Variants in MALRD1 observed in about 807,000 individuals in gnomAD.
MALRD1 encodes MAM and LDL receptor class A domain containing 1, also known as MAM and LDL-receptor class A domain-containing protein 1.
Under a neutral mutation model 242.1 loss-of-function variants are expected in MALRD1, and 247 were observed. The ratio of observed to expected loss-of-function variants is 1.02; its 90% CI spans 0.92 to 1.13. The LOEUF (loss-of-function observed/expected upper bound fraction) is 1.13. MALRD1 is among the 50% of genes most tolerant of loss of function. The probability of loss-of-function intolerance (pLI) is 0.00; values close to 1 mark genes in which losing one functional copy is unlikely to be tolerated. For missense variants in MALRD1, 2,989 were observed against 2,533.1 expected (o/e 1.18, Z -3.86); for synonymous variants, 995 against 866.6 (o/e 1.15, Z -2.60).
chr10:19,654,698 C>G (rs577836817), intron 36 of MALRD1, among the ~76,000 whole-genome samples: 52 of 152,258 alleles, frequency 3.4e-4, no homozygotes, highest in African/African-American at 1.2e-3. Context: ...AAAGAAACTA[C>G]CTTTGTTGTT....
At position 19,530,366 on chromosome 10, in the gene MALRD1, AATATTTATATAAATATTAT is replaced by A. The variant is rs1162705957; in HGVS notation, c.5321-796_5321-778del. Among the ~76,000 whole-genome samples, 104 of 106,922 alleles carry A rather than the reference AATATTTATATAAATATTAT, an allele frequency of 9.7e-4. 1 individual carries two copies. The highest frequency in any genetic ancestry group is 6.3e-3 in the South Asian group (24 of 3,826). The allele number at this position is 106,922 out of a possible 152,430, so 70.1% of individuals were successfully genotyped here. A position where few individuals can be genotyped will look rare whatever the true frequency, so the allele number is the denominator to read the frequency against. On this transcript the variant is annotated intron_variant, in intron 31 of 39. Transcript: ENST00000454679. ...TATATAAATATATAATATTTATATAAATATTTATATAAATATTATATATTTATATAAATATTATATATTT... is the reference window on the plus strand; with the variant it reads ...TATATAAATATATAATATTTATATAAATATTTATATAAATATTATATATTT...
At chr10:19,069,674 G>C (rs1005544336) in intron 2 of MALRD1, among the ~76,000 whole-genome samples, 4 of 150,108 alleles carry the variant, frequency 2.7e-5, no homozygotes, top group Admixed American at 2.7e-4. Context: ...TTTTTTCATG[G>C]TCTTTTTTTT....
chr10:19,304,054 G>A (rs532173687), intron 21 of MALRD1, among the ~76,000 whole-genome samples: 1 of 151,742 alleles, frequency 6.6e-6, no homozygotes, highest in South Asian at 2.1e-4. Flanking sequence ...GTATGTGAGG[G>A]TGTTTCTGGA....
intron 24 of MALRD1, among the ~76,000 whole-genome samples, chr10:19,345,504 T>G (rs1388436466): frequency 6.6e-6 from 1 of 152,170 alleles, no homozygotes; most frequent in African/African-American, 2.4e-5. Context: ...AAAGGATACT[T>G]AGAACTTCAG....
chr10:19,057,855 G>T (rs534485595), intron 1 of MALRD1, among the ~76,000 whole-genome samples: 1 of 152,138 alleles, frequency 6.6e-6, no homozygotes, highest in Non-Finnish European at 1.5e-5. Context: ...TCATTATTAG[G>T]TATGATAGTG....
chr10:19,389,493 G>A lies in MALRD1; in HGVS notation c.4729G>A (p.Gly1577Ser), dbSNP rs1257091954. 3.2e-6 allele frequency: 5 copies of A among 1,550,372 alleles called. No homozygotes were observed. Among genetic ancestry groups the A allele is most frequent in the East Asian group, 4.9e-5 (2 of 40,912 alleles). ...YLEATAVGLR[G>S]DKAHFRSTMW... The stretch of plus-strand genomic sequence containing the variant: ...GGAAGCTACTGCAGTGGGCCTTCGG[G>A]GTGACAAAGCACACTTCAGGAGTAC... Residue 1577 changes from glycine to serine, a missense_variant, in exon 28 of 40, where the codon GGT becomes AGT. Transcript: ENST00000454679.
chr10:19,487,890 G>A (rs1837305417), intron 29 of MALRD1, among the ~76,000 whole-genome samples: 1 of 152,028 alleles, frequency 6.6e-6, no homozygotes, highest in Non-Finnish European at 1.5e-5. Flanking sequence ...TATCATACAG[G>A]TTTTAGCTAT....
intron 19 of MALRD1, among the ~76,000 whole-genome samples, chr10:19,278,032 A>T (rs924481117): frequency 6.6e-6 from 1 of 152,036 alleles, no homozygotes; most frequent in East Asian, 1.9e-4. Flanking sequence ...ATATCTTGTT[A>T]TTTCTCCATA....
intron 28 of MALRD1, among the ~76,000 whole-genome samples, chr10:19,440,398 G>T (rs1227916946): frequency 6.6e-6 from 1 of 151,812 alleles, no homozygotes; most frequent in Non-Finnish European, 1.5e-5. Flanking sequence ...ACAACATACA[G>T]GTGTGTTACA....
chr10:19,385,834 C>T (rs2130801515), intron 26 of MALRD1, among the ~76,000 whole-genome samples: 1 of 152,006 alleles, frequency 6.6e-6, no homozygotes, highest in Non-Finnish European at 1.5e-5. Flanking sequence ...TATTTAAGAT[C>T]TTTCTTTTTT....
chr10:19,557,633 G>C (rs546484547), intron 32 of MALRD1, among the ~76,000 whole-genome samples: 1 of 151,992 alleles, frequency 6.6e-6, no homozygotes, highest in Non-Finnish European at 1.5e-5. Flanking sequence ...CATTATCAGT[G>C]TGTCTATTCT....
intron 28 of MALRD1, among the ~76,000 whole-genome samples, chr10:19,393,535 T>C (rs1304008238): frequency 2.7e-5 from 4 of 146,248 alleles, no homozygotes; most frequent in Admixed American, 7.0e-5. Context: ...AAGCTCCGTC[T>C]CCCGGGTTCA....
intron 28 of MALRD1, among the ~76,000 whole-genome samples, chr10:19,394,080 A>G (rs568087176): frequency 7.5e-4 from 114 of 152,336 alleles, no homozygotes; most frequent in African/African-American, 2.6e-3. Flanking sequence ...TCCATTATGC[A>G]GTCATGATAG....
chr10:19,547,851 C>T (rs1231129784), intron 32 of MALRD1, among the ~76,000 whole-genome samples: 17 of 40,908 alleles, frequency 4.2e-4, no homozygotes, highest in African/African-American at 1.4e-3. Context: ...TTTTTTTTTA[C>T]AAATTGAAGG....
chr10:19,515,803 C>T (rs544034603), intron 31 of MALRD1, among the ~76,000 whole-genome samples: 9 of 152,168 alleles, frequency 5.9e-5, no homozygotes, highest in Middle Eastern at 3.4e-3. Flanking sequence ...CTCTTGACCT[C>T]GTGATCTGCC....
chr10:19,419,973 A>G (rs1230903072), intron 28 of MALRD1, among the ~76,000 whole-genome samples: 2 of 152,220 alleles, frequency 1.3e-5, no homozygotes, highest in East Asian at 1.9e-4. Flanking sequence ...TGTTATATGT[A>G]AAGTTTTGGT....
intron 21 of MALRD1, among the ~76,000 whole-genome samples, chr10:19,311,760 T>A (rs1582061): frequency 3.3e-4 from 50 of 151,262 alleles, no homozygotes; most frequent in African/African-American, 1.1e-3. Flanking sequence ...GATTAGACCC[T>A]TTCACTATTC....
intron 7 of MALRD1, 71 bp from the exon 8 acceptor site, chr10:19,128,150 G>T: frequency 9.1e-7 from 1 of 1,097,396 alleles, no homozygotes; most frequent in Non-Finnish European, 1.2e-6. Context: ...CTTCAGAAAT[G>T]TAATAGTTTT....
intron 26 of MALRD1, among the ~76,000 whole-genome samples, chr10:19,383,186 G>T (rs1041786564): frequency 1.3e-5 from 2 of 152,062 alleles, no homozygotes; most frequent in African/African-American, 2.4e-5. Flanking sequence ...GTAGCTTTTT[G>T]ATCTGCAGTC....
Sources: gnomAD v4.1 joint callset for allele counts (sites outside exome capture counted in the v4.1 genomes callset) on GRCh38, gnomAD v4.1.1 for gene constraint, MANE v1.5 for transcripts, NCBI Gene and HGNC (gene_info 2026-07-23, HGNC 2026-07-21) for gene names.